The following PLD5 variants were observed in gnomAD, a reference collection of about 807,000 sequenced individuals.
PLD5 encodes inactive phospholipase D5.
PLD5 carries 36 observed loss-of-function variants against 61.1 expected under a neutral mutation model. The ratio of observed to expected loss-of-function variants is 0.59; its 90% CI spans 0.45 to 0.78. The LOEUF (loss-of-function observed/expected upper bound fraction) is 0.78. Ranked by LOEUF, PLD5 falls within the 30% of genes least tolerant of loss-of-function variation. PLD5 has a pLI of 0.00. For missense variants in PLD5, 515 were observed against 644.4 expected, an observed-to-expected ratio of 0.80 and a Z score of 2.17; for synonymous variants, 243 against 242.8, an observed-to-expected ratio of 1.00 and a Z score of -0.01.
At chr1:242,394,800 G>A (rs1314997640) in intron 1 of PLD5, among the ~76,000 whole-genome samples, 2 of 62,728 alleles carry the variant, frequency 3.2e-5, no homozygotes, top group South Asian at 5.0e-4. Context: ...GAATATATAT[G>A]TGTATATATG....
chr1:242,330,172 GTTCC>G (rs1158164225), intron 2 of PLD5, among the ~76,000 whole-genome samples: 1 of 152,076 alleles, frequency 6.6e-6, no homozygotes, highest in Non-Finnish European at 1.5e-5. Flanking sequence ...AAAAAAAATG[GTTCC>G]TTCATCAGCC....
chr1:242,166,031 C>CGTAA (rs1468912650), intron 5 of PLD5, among the ~76,000 whole-genome samples: 4 of 152,148 alleles, frequency 2.6e-5, no homozygotes, highest in African/African-American at 9.7e-5. Flanking sequence ...GCTCAGGATC[C>CGTAA]GTAAGTAAAA....
chr1:242,364,520 C>T (rs1427908867), intron 1 of PLD5, among the ~76,000 whole-genome samples: 1 of 151,994 alleles, frequency 6.6e-6, no homozygotes, highest in Non-Finnish European at 1.5e-5. Context: ...GGTTCGAGAC[C>T]AGCCTGGCCA....
At chr1:242,107,244 G>A (rs766849941) in intron 8 of PLD5, among the ~76,000 whole-genome samples, 1 of 152,158 alleles carries the variant, frequency 6.6e-6, no homozygotes, top group Non-Finnish European at 1.5e-5. Flanking sequence ...GGAAGGCCAA[G>A]GTGGGCAGAT....
At chr1:242,525,437 G>A (rs547512625), upstream of PLD5, among the ~76,000 whole-genome samples, 1 of 152,334 alleles carries the variant, frequency 6.6e-6, no homozygotes, top group Non-Finnish European at 1.5e-5. Context: ...TCTTTTCTCT[G>A]TTTCTAGGCC....
intron 1 of PLD5, among the ~76,000 whole-genome samples, chr1:242,420,050 G>A (rs568468690): frequency 2.0e-5 from 3 of 152,178 alleles, no homozygotes; most frequent in African/African-American, 7.2e-5. Flanking sequence ...TACCTCCAGG[G>A]CTCCTGATTC....
intron 5 of PLD5, among the ~76,000 whole-genome samples, chr1:242,205,812 C>T (rs1669282268): frequency 6.6e-6 from 1 of 152,216 alleles, no homozygotes; most frequent in Admixed American, 6.5e-5. Flanking sequence ...CAGTGACCTC[C>T]TCCTGCCCAC....
chr1:242,196,259 A>G (rs1400598543), intron 5 of PLD5, among the ~76,000 whole-genome samples: 3 of 152,234 alleles, frequency 2.0e-5, no homozygotes, highest in Non-Finnish European at 4.4e-5. Flanking sequence ...CACATGGTGA[A>G]AGTATGCAGG....
intron 4 of PLD5, chr1:242,235,737 A>G (rs542824725): frequency 6.6e-6 from 1 of 152,286 alleles, no homozygotes; most frequent in South Asian, 2.1e-4. Context: ...TTGGTGTCCA[A>G]CTTCCTTTCA....
chr1:242,111,254 A>G (rs1224162819), intron 7 of PLD5, among the ~76,000 whole-genome samples: 1 of 152,006 alleles, frequency 6.6e-6, no homozygotes, highest in Non-Finnish European at 1.5e-5. Context: ...ATGGGTTTTC[A>G]CCATGTTGGC....
chr1:242,253,351 C>T (rs1352197459), intron 4 of PLD5, among the ~76,000 whole-genome samples: 1 of 142,070 alleles, frequency 7.0e-6, no homozygotes, highest in East Asian at 2.1e-4. Flanking sequence ...CTCGCTCTGT[C>T]GCCCAGGCTG....
intron 2 of PLD5, among the ~76,000 whole-genome samples, chr1:242,324,014 T>C (rs1437291385): frequency 1.3e-5 from 2 of 152,030 alleles, no homozygotes; most frequent in African/African-American, 4.8e-5. Context: ...GTCAGATCTT[T>C]GCAGTTAAGC....
chr1:242,374,421 T>C (rs10803040), intron 1 of PLD5, among the ~76,000 whole-genome samples: 138,112 of 152,096 alleles, frequency 0.91, 62,953 homozygotes, highest in South Asian at 0.95. Flanking sequence ...AAACAATATC[T>C]CTAAATGAAG....
intron 1 of PLD5, among the ~76,000 whole-genome samples, chr1:242,383,285 G>A (rs1269282481): frequency 6.6e-6 from 1 of 151,974 alleles, no homozygotes; most frequent in Non-Finnish European, 1.5e-5. Flanking sequence ...TTTGACACAC[G>A]TATACAAAGT....
chr1:242,207,995 C>T (rs1669549160), intron 5 of PLD5, among the ~76,000 whole-genome samples: 1 of 114,678 alleles, frequency 8.7e-6, no homozygotes, highest in African/African-American at 4.6e-5. Context: ...TATTTATACA[C>T]ACACACACAC....
intron 5 of PLD5, among the ~76,000 whole-genome samples, chr1:242,219,220 T>C (rs1448707053): frequency 6.6e-6 from 1 of 152,154 alleles, no homozygotes; most frequent in African/African-American, 2.4e-5. Flanking sequence ...TTGAGCATAA[T>C]AGAAAGGAAC....
intron 8 of PLD5, among the ~76,000 whole-genome samples, chr1:242,104,568 G>A (rs1660907681): frequency 6.6e-6 from 1 of 152,198 alleles, no homozygotes; most frequent in South Asian, 2.1e-4. Flanking sequence ...TTGGGTTTGA[G>A]TCTTGCCCCA....
chr1:242,439,015 A>T (rs1392353813), intron 1 of PLD5, among the ~76,000 whole-genome samples: 1 of 151,960 alleles, frequency 6.6e-6, no homozygotes, highest in East Asian at 1.9e-4. Context: ...TTTTCTTTAC[A>T]TGCTTATTGT....
At chr1:242,279,300 T>G (rs1574657262) in intron 3 of PLD5, among the ~76,000 whole-genome samples, 1 of 152,310 alleles carries the variant, frequency 6.6e-6, no homozygotes, top group African/African-American at 2.4e-5. Context: ...ACCGGGATGG[T>G]TTAAAACAGT....
Sources: gnomAD v4.1 joint callset for allele counts (sites outside exome capture counted in the v4.1 genomes callset) on GRCh38, gnomAD v4.1.1 for gene constraint, MANE v1.5 for transcripts, NCBI Gene and HGNC (gene_info 2026-07-23, HGNC 2026-07-21) for gene names.